MAPK8IP1: variants seen among roughly 807,000 people sequenced by gnomAD.
MAPK8IP1 encodes C-Jun-amino-terminal kinase-interacting protein 1.
MAPK8IP1 carries 17 observed loss-of-function variants against 72.6 expected under a neutral mutation model. The ratio of observed to expected loss-of-function variants is 0.23; its 90% confidence interval spans 0.16 to 0.35. The LOEUF is 0.35. MAPK8IP1 is among the 10% of genes least tolerant of loss of function. The pLI is 1.00. For synonymous variants in MAPK8IP1, 401 were observed against 443.4 expected (o/e 0.90, Z 1.20); for missense variants, 789 against 1,009.7 (o/e 0.78, Z 2.96).
intron 1 of MAPK8IP1, among the ~76,000 whole-genome samples, chr11:45,888,411 A>C (rs2086543521): frequency 1.3e-5 from 2 of 152,222 alleles, no homozygotes; most frequent in Non-Finnish European, 2.9e-5. Context: ...CCACACTTGC[A>C]TGAAGAAACT....
In MAPK8IP1 at chr11:45,898,954, T is replaced by G. The variant is rs1436393770; in HGVS notation, c.207+764T>G. Among the ~76,000 whole-genome samples the G allele has an allele frequency of 2.6e-5, 4 of 152,206 alleles. No individual in the cohort carries two copies. The East Asian group carries it at 7.7e-4, about 29-fold the overall frequency. On this transcript the variant is annotated intron_variant, in intron 2 of 11. Coordinates refer to ENST00000241014, the MANE Select transcript of MAPK8IP1 (RefSeq NM_005456.4). ...AGGGCTAGGTTTTAGAGCCCAGAGC[T>G]CCTCTGAGCCCCCAAGAGGGCGGGT...
In MAPK8IP1 at chr11:45,905,860, G is replaced by A; in HGVS notation, c.*139G>A. The A allele has an allele frequency of 1.3e-6, 1 of 777,068 alleles. No individual in the cohort carries two copies. Among genetic ancestry groups the A allele is most frequent in the Non-Finnish European group, 2.2e-6 (1 of 448,106 alleles). 48.1% of individuals were successfully genotyped at this position (777,068 alleles called of 1,614,324 possible). On this transcript the variant is annotated 3_prime_UTR_variant, in exon 12 of 12. Coordinates refer to ENST00000241014, the MANE Select transcript of MAPK8IP1 (RefSeq NM_005456.4). The stretch of plus-strand genomic sequence containing the variant: ...AGGAAGTGGGGGCCGCTGGCCCAGG[G>A]TAGGGGAGGGTGGGGCAATGGGGAG...
chr11:45,887,959 G>T (rs1433527732), intron 1 of MAPK8IP1, among the ~76,000 whole-genome samples: 1 of 152,214 alleles, frequency 6.6e-6, no homozygotes, highest in East Asian at 1.9e-4. Flanking sequence ...CTCTTTGGTG[G>T]AGTCATAGAT....
At position 45,885,722 on chromosome 11, in the gene MAPK8IP1, C is replaced by G. The variant is rs2086520868; in HGVS notation, c.-99C>G. On this transcript the variant is annotated 5_prime_UTR_variant, in exon 1 of 12. Coordinates refer to ENST00000241014, the MANE Select transcript of MAPK8IP1 (RefSeq NM_005456.4). The stretch of plus-strand genomic sequence containing the variant: ...AGGTGCGCCCGCCTAGCCCGAACTC[C>G]GCGGCGGCGGCTGCCCTCTCGCCGC... 17 of 598,470 alleles carry G rather than the reference C, an allele frequency of 2.8e-5. No homozygotes were observed. In the South Asian group the frequency reaches 6.4e-4, roughly 23 times the overall value. 37.1% of individuals were successfully genotyped at this position (598,470 alleles called of 1,614,324 possible).
rs987799659 is a variant in MAPK8IP1 at position 45,906,339 on chromosome 11, G to C, written c.*618G>C. 1.1e-5 allele frequency: 5 copies of C among 466,132 alleles called. No homozygotes were observed. The highest frequency in any genetic ancestry group is 4.0e-5 in the African/African-American group (2 of 49,996). 28.9% of individuals were successfully genotyped at this position (466,132 alleles called of 1,614,324 possible). Reference sequence around the variant, plus strand: ...CTGTGGCAGGCCTAGGACCTCAGGCGGGGAGGAGGAGCTGCCGCAAGGCCC... The same window carrying C: ...CTGTGGCAGGCCTAGGACCTCAGGCCGGGAGGAGGAGCTGCCGCAAGGCCC... On this transcript the variant is annotated 3_prime_UTR_variant, in exon 12 of 12. Transcript: ENST00000241014.
chr11:45,889,125 G>A (rs2086548207), intron 1 of MAPK8IP1, among the ~76,000 whole-genome samples: 1 of 152,158 alleles, frequency 6.6e-6, no homozygotes, highest in Admixed American at 6.5e-5. Flanking sequence ...GCTTGGGGAT[G>A]GGAACCCAAG....
Position 45,904,356 on chromosome 11 carries a change from G to T in MAPK8IP1, c.1667-99G>T. On this transcript the variant is annotated intron_variant, in intron 7 of 11. Coordinates refer to ENST00000241014, the MANE Select transcript of MAPK8IP1 (RefSeq NM_005456.4). The surrounding 1 kb of genome is among the most constrained non-coding windows in gnomAD (Gnocchi z 6.4). Reference sequence around the variant, plus strand: ...GCCAGGGATTGTGGCAGCCTCTGTGGGCTCTGCCATTCCCCGTGCCTCACC... The same window carrying T: ...GCCAGGGATTGTGGCAGCCTCTGTGTGCTCTGCCATTCCCCGTGCCTCACC... 1 of 1,199,518 alleles carries T rather than the reference G, an allele frequency of 8.3e-7. No individual in the cohort carries two copies. Among genetic ancestry groups the T allele is most frequent in the Non-Finnish European group, 1.2e-6 (1 of 821,624 alleles). The allele number at this position is 1,199,518 out of a possible 1,614,324, so 74.3% of individuals were successfully genotyped here.
At chr11:45,886,047 T>G (rs1436399721) in intron 1 of MAPK8IP1, 126 bp downstream of exon 1, 4 of 536,064 alleles carry the variant, frequency 7.5e-6, no homozygotes, top group Non-Finnish European at 1.2e-5. Context: ...GGGAGTGGGG[T>G]CTCTTCCCGG....
Position 45,900,260 on chromosome 11 carries a change from G to A in MAPK8IP1, c.330G>A (p.Glu110=). 7.5e-7 allele frequency: 1 copy of A among 1,333,098 alleles called. No individual in the cohort carries two copies. The highest frequency in any genetic ancestry group is 1.9e-5 in the South Asian group (1 of 51,624). 82.6% of individuals were successfully genotyped at this position (1,333,098 alleles called of 1,614,324 possible). A position where few individuals can be genotyped will look rare whatever the true frequency, so the allele number is the denominator to read the frequency against. The change falls in exon 3 of 12, where the codon GAG becomes GAA. Residue 110 remains glutamate (E), a synonymous_variant. Transcript: ENST00000241014. This position sits in a 1 kb window ranked among gnomAD's most constrained non-coding sequence, Gnocchi z 6.5. ...TGDTPGAEDD[E]EDDDEERAAR... Reference sequence around the variant, plus strand: ...ACACTCCCGGGGCCGAGGACGACGAGGAGGACGACGACGAGGAGCGCGCGG... The same window carrying A: ...ACACTCCCGGGGCCGAGGACGACGAAGAGGACGACGACGAGGAGCGCGCGG...
chr11:45,899,317 A>G (rs2086631514), intron 2 of MAPK8IP1, among the ~76,000 whole-genome samples: 1 of 152,236 alleles, frequency 6.6e-6, no homozygotes, highest in Non-Finnish European at 1.5e-5. Flanking sequence ...CGAGCTAGGC[A>G]GGGGCCCCAG....
At chr11:45,887,768 A>C (rs941954196) in intron 1 of MAPK8IP1, among the ~76,000 whole-genome samples, 3 of 152,228 alleles carry the variant, frequency 2.0e-5, no homozygotes, top group Admixed American at 2.0e-4. Flanking sequence ...ACTCCAGAAC[A>C]TGGTGGCCTG....
intron 1 of MAPK8IP1, among the ~76,000 whole-genome samples, chr11:45,892,579 T>C (rs1311592134): frequency 6.6e-6 from 1 of 151,918 alleles, no homozygotes; most frequent in African/African-American, 2.4e-5. Flanking sequence ...GCGGTTTGGC[T>C]TGGTCCCAGA....
At position 45,900,197 on chromosome 11, in the gene MAPK8IP1, C is replaced by T. The variant is rs948692371; in HGVS notation, c.267C>T (p.Ala89=). Residue 89 remains alanine (A), a synonymous_variant, in exon 3 of 12, where the codon GCC becomes GCT. Transcript: ENST00000241014. The surrounding 1 kb of genome is among the most constrained non-coding windows in gnomAD (Gnocchi z 6.5). ...GGGGAGSRLQ[A]EMLQMDLIDA... Reference sequence around the variant, plus strand: ...GCGGCGCGGGGAGCCGGTTGCAGGCCGAGATGCTGCAGATGGACCTGATCG... The same window carrying T: ...GCGGCGCGGGGAGCCGGTTGCAGGCTGAGATGCTGCAGATGGACCTGATCG... The T allele has an allele frequency of 9.8e-6, 13 of 1,320,394 alleles. No individual in the cohort carries two copies. The highest frequency in any genetic ancestry group is 1.6e-5 in the African/African-American group (1 of 64,400). The allele number at this position is 1,320,394 out of a possible 1,614,324, so 81.8% of individuals were successfully genotyped here.
In MAPK8IP1 at chr11:45,885,850, AGGG is replaced by A; in HGVS notation, c.35_37del (p.Gly12del). 1 of 1,446,798 alleles carries A rather than the reference AGGG, an allele frequency of 6.9e-7. No homozygotes were observed. Among genetic ancestry groups the A allele is most frequent in the Non-Finnish European group, 9.1e-7 (1 of 1,096,688 alleles). The allele number at this position is 1,446,798 out of a possible 1,614,324, so 89.6% of individuals were successfully genotyped here. On this transcript the variant is annotated inframe_deletion, in exon 1 of 12. Transcript: ENST00000241014. ...CGGAGCGAGAAAGCGGCGGCCTGGG[AGGG>A]GGGGCCGCGTCCCCGCCCGCCGCCT... is the stretch of plus-strand genomic sequence containing the variant.
rs757605926 is a variant in MAPK8IP1, at chr11:45,904,705, T to C, written c.1777-13T>C. On this transcript the variant is annotated splice_polypyrimidine_tract_variant and intron_variant, in intron 8 of 11. Coordinates refer to ENST00000241014, the MANE Select transcript of MAPK8IP1 (RefSeq NM_005456.4). This position sits in a 1 kb window ranked among gnomAD's most constrained non-coding sequence, Gnocchi z 6.4. ...CAGACAGCAGCTGACGTGGCTCCAT[T>C]TGTCACCTGTAGATTGCCACCACCC... 12 of 1,613,384 alleles carry C rather than the reference T, an allele frequency of 7.4e-6. No homozygotes were observed. Among genetic ancestry groups the C allele is most frequent in the Non-Finnish European group, 1.0e-5 (12 of 1,179,688 alleles).
chr11:45,892,703 G>A (rs551471012), intron 1 of MAPK8IP1, among the ~76,000 whole-genome samples: 11 of 152,302 alleles, frequency 7.2e-5, no homozygotes, highest in Middle Eastern at 3.4e-3. Context: ...CTGGTTGGAG[G>A]GAAAGGAGGC....
At chr11:45,896,491 G>T (rs1036516315) in intron 1 of MAPK8IP1, 20 of 963,084 alleles carry the variant, frequency 2.1e-5, no homozygotes, top group South Asian at 9.6e-5. Flanking sequence ...GGGCCAGGGA[G>T]GGGGGGCCAC....
intron 1 of MAPK8IP1, among the ~76,000 whole-genome samples, chr11:45,887,898 C>T (rs1251706867): frequency 1.3e-5 from 2 of 152,252 alleles, no homozygotes; most frequent in Non-Finnish European, 2.9e-5. Flanking sequence ...TCTCACTGTG[C>T]TTGGCCAGGC....
intron 2 of MAPK8IP1, 126 bp downstream of exon 2, chr11:45,898,316 T>A: frequency 1.5e-6 from 1 of 672,434 alleles, no homozygotes; most frequent in Non-Finnish European, 2.7e-6. Context: ...AATGAAATGA[T>A]GTGCAAGAAA....
Sources: allele counts gnomAD v4.1 joint callset (sites outside exome capture counted in the v4.1 genomes callset), GRCh38; gene constraint gnomAD v4.1.1; non-coding constraint Gnocchi (gnomAD v3.1); transcripts MANE v1.5; gene names NCBI Gene and HGNC (gene_info 2026-07-23, HGNC 2026-07-21).